Variants in SH3GL1 observed in about 807,000 individuals in gnomAD.
The protein encoded by SH3GL1 is SH3 domain containing GRB2 like 1, endophilin A2.
A neutral mutation model predicts 48.8 loss-of-function variants in SH3GL1; 21 were observed. The ratio of observed to expected loss-of-function variants is 0.43; its 90% CI spans 0.30 to 0.62. The LOEUF is 0.62. Ranked by LOEUF, SH3GL1 falls within the 20% of genes least tolerant of loss-of-function variation. SH3GL1 has a pLI of 0.11. For missense variants in SH3GL1, 454 were observed against 503.0 expected, an observed-to-expected ratio of 0.90 and a Z score of 0.93; for synonymous variants, 282 against 217.5, an observed-to-expected ratio of 1.30 and a Z score of -2.61.
Position 4,361,408 on chromosome 19 carries a change from C to CCCCACCCACCCAGATAAG in SH3GL1, c.*174_*191dup, listed in dbSNP as rs1972606904. On this transcript the variant is annotated 3_prime_UTR_variant, in exon 10 of 10. Coordinates refer to ENST00000269886, the MANE Select transcript of SH3GL1 (RefSeq NM_003025.4). ...AGTCAGCGCTAGTGTAAACAGGCAT[C>CCCCACCCACCCAGATAAG]CCCACCCACCCAGATAAGCCCCCCC... 1 of 590,386 alleles carries CCCCACCCACCCAGATAAG rather than the reference C, an allele frequency of 1.7e-6. No homozygotes were observed. The highest frequency in any genetic ancestry group is 3.0e-6 in the Non-Finnish European group (1 of 331,906). The allele number at this position is 590,386 out of a possible 1,614,324, so 36.6% of individuals were successfully genotyped here.
intron 1 of SH3GL1, among the ~76,000 whole-genome samples, chr19:4,372,143 C>T (rs1972915418): frequency 6.6e-6 from 1 of 152,160 alleles, no homozygotes. Context: ...GGACAACAGC[C>T]CCAGGACAAA....
intron 1 of SH3GL1, among the ~76,000 whole-genome samples, chr19:4,369,819 A>G (rs1263221635): frequency 6.6e-6 from 1 of 152,184 alleles, no homozygotes; most frequent in Non-Finnish European, 1.5e-5. Context: ...ATGGTCCCCC[A>G]CGGGCCAGGC....
At chr19:4,368,339 G>A (rs1972826408) in intron 1 of SH3GL1, among the ~76,000 whole-genome samples, 1 of 152,240 alleles carries the variant, frequency 6.6e-6, no homozygotes, top group Non-Finnish European at 1.5e-5. Flanking sequence ...AGTGACCCAA[G>A]AGCAGGAAGT....
chr19:4,369,595 G>A (rs926872374), intron 1 of SH3GL1, among the ~76,000 whole-genome samples: 36 of 152,178 alleles, frequency 2.4e-4, no homozygotes, highest in Admixed American at 5.2e-4. Flanking sequence ...GACCCGCCAC[G>A]GTACCAAAGA....
chr19:4,362,594 G>A lies in SH3GL1; in HGVS notation c.853+18C>T, dbSNP rs376772403. 2.1e-5 allele frequency: 34 copies of A among 1,612,982 alleles called. No individual in the cohort carries two copies. In the African/African-American group the frequency reaches 2.8e-4, roughly 13 times the overall value. On this transcript the variant is annotated intron_variant, in intron 8 of 9. Coordinates refer to ENST00000269886, the MANE Select transcript of SH3GL1 (RefSeq NM_003025.4). ...CCGCTGGCATTTGCCTCCGCAAGAG[G>A]GCTCCATGCCCCATTACCTGCGATC...
At chr19:4,394,118 C>T (rs1166596977) in intron 1 of SH3GL1, among the ~76,000 whole-genome samples, 1 of 120,266 alleles carries the variant, frequency 8.3e-6, no homozygotes, top group Non-Finnish European at 1.7e-5. Context: ...CCTCTCCCTC[C>T]TTTCAGGCAA....
intron 1 of SH3GL1, among the ~76,000 whole-genome samples, chr19:4,378,410 G>A (rs1973055473): frequency 6.6e-6 from 1 of 152,080 alleles, no homozygotes; most frequent in African/African-American, 2.4e-5. Context: ...GCGTGGATGT[G>A]CTTTAGAAAC....
chr19:4,362,339 G>T lies in SH3GL1; in HGVS notation c.900C>A (p.Ser300Arg). Residue 300 changes from serine (S) to arginine (R), a missense_variant, in exon 9 of 10, where the codon AGC (serine) becomes AGA (arginine). By Grantham distance (110) the Ser-to-Arg change is moderately radical. Around this residue, in one of 2 missense-constraint regions of SH3GL1, gnomAD observed 278 missense variants for 246.8 expected, o/e 1.13. Transcript: ENST00000269886. Reference sequence around the variant, plus strand: ...CCTGGGAACACTCACGCATGCTCCGGCTAGGGGTCCGGATGGGCTTGTCGG... The same window carrying T: ...CCTGGGAACACTCACGCATGCTCCGTCTAGGGGTCCGGATGGGCTTGTCGG... Reference protein sequence around the residue: ...RSSDKPIRTPSRSMPPLDQPS... With the variant: ...RSSDKPIRTPRRSMPPLDQPS... 1 of 1,612,060 alleles carries T rather than the reference G, an allele frequency of 6.2e-7. No individual in the cohort carries two copies. Among genetic ancestry groups the T allele is most frequent in the Non-Finnish European group, 8.5e-7 (1 of 1,179,040 alleles).
intron 1 of SH3GL1, among the ~76,000 whole-genome samples, chr19:4,386,119 C>A (rs1973230206): frequency 6.6e-6 from 1 of 152,214 alleles, no homozygotes; most frequent in Admixed American, 6.5e-5. Context: ...GGGCTGCCCT[C>A]TTCTGAGCCA....
In SH3GL1 at chr19:4,362,715, G is replaced by A. The variant is rs1460261100; in HGVS notation, c.750C>T (p.Arg250=). 1.9e-6 allele frequency: 3 copies of A among 1,614,004 alleles called. No homozygotes were observed. Among genetic ancestry groups the A allele is most frequent in the Non-Finnish European group, 8.5e-7 (1 of 1,180,014 alleles). ...LKRRMREASS[R]PKREYKPKPR... is the part of the protein sequence containing the mutation. ...GCTTGGGCTTATACTCCCGCTTAGG[G>A]CGTGAGGAAGCTTCCCGCATCCTGT... Residue 250 remains arginine, a synonymous_variant, in exon 8 of 10, where the codon CGC becomes CGT. Transcript: ENST00000269886.
chr19:4,378,371 C>A (rs1018842984), intron 1 of SH3GL1, among the ~76,000 whole-genome samples: 6 of 152,104 alleles, frequency 3.9e-5, no homozygotes, highest in Admixed American at 3.9e-4. Flanking sequence ...ACAAACCCCT[C>A]TGAGCCTCGG....
In SH3GL1 at chr19:4,365,588, G is replaced by A; in HGVS notation, c.225C>T (p.Ser75=). Residue 75 remains serine (S), a synonymous_variant, in exon 4 of 10, where the codon TCC becomes TCT. Coordinates refer to ENST00000269886, the MANE Select transcript of SH3GL1 (RefSeq NM_003025.4). The part of the protein sequence containing the change: ...RAKLTMLNTV[S]KIRGQVKNPG... ...GGTTCTTCACCTGGCCCCGGATCTT[G>A]GACACCGTGTTGAGCATGGTCAGCT... 1 of 1,614,158 alleles carries A rather than the reference G, an allele frequency of 6.2e-7. No homozygotes were observed. Among genetic ancestry groups the A allele is most frequent in the Non-Finnish European group, 8.5e-7 (1 of 1,180,040 alleles).
In SH3GL1 at chr19:4,361,556, G is replaced by C. The variant is rs750869008; in HGVS notation, c.*44C>G. 2 of 1,437,646 alleles carry C rather than the reference G, an allele frequency of 1.4e-6. No individual in the cohort carries two copies. Among genetic ancestry groups the C allele is most frequent in the Non-Finnish European group, 1.9e-6 (2 of 1,048,642 alleles). The allele number at this position is 1,437,646 out of a possible 1,614,324, so 89.1% of individuals were successfully genotyped here. On this transcript the variant is annotated 3_prime_UTR_variant, in exon 10 of 10. Transcript: ENST00000269886. ...GAATGCAGGAGACCCAGCAGGGGGT[G>C]CCGGCCAGTGTGGACGGAGGGGCGG...
At chr19:4,368,819 C>T (rs1972836538) in intron 1 of SH3GL1, among the ~76,000 whole-genome samples, 1 of 152,178 alleles carries the variant, frequency 6.6e-6, no homozygotes. Context: ...TGCCTGTAAT[C>T]CCAGCACTTT....
intron 1 of SH3GL1, among the ~76,000 whole-genome samples, chr19:4,381,931 C>A (rs150078136): frequency 1.3e-5 from 2 of 151,874 alleles, no homozygotes; most frequent in African/African-American, 4.8e-5. Context: ...CACAACAAAT[C>A]GCCACAAACC....
In SH3GL1 at chr19:4,368,787, G is replaced by A. The variant is rs566440169; in HGVS notation, c.46-1793C>T. On this transcript the variant is annotated intron_variant, in intron 1 of 9. Transcript: ENST00000269886. ...TTGGAAGCTTCTTAAAAATCCCCTC[G>A]TTGGCCGGGCGCGGTGACTCATGCC... Among the ~76,000 whole-genome samples the A allele has an allele frequency of 2.5e-4, 38 of 152,256 alleles. 1 individual carries two copies. The South Asian group carries it at 4.6e-3, about 18-fold the overall frequency.
In SH3GL1 at chr19:4,361,850, G is replaced by C. The variant is rs947545451; in HGVS notation, c.911-54C>G. ...GGGCTGCTACGCCTCACCCCGCCCA[G>C]TCTGGGGTCTCAGACCTGCTGTGAC... On this transcript the variant is annotated intron_variant, in intron 9 of 9. Transcript: ENST00000269886. 4 of 1,321,854 alleles carry C rather than the reference G, an allele frequency of 3.0e-6. No individual in the cohort carries two copies. In the African/African-American group the frequency reaches 5.7e-5, roughly 19 times the overall value. The allele number at this position is 1,321,854 out of a possible 1,614,324, so 81.9% of individuals were successfully genotyped here. A position where few individuals can be genotyped will look rare whatever the true frequency, so the allele number is the denominator to read the frequency against.
intron 1 of SH3GL1, among the ~76,000 whole-genome samples, chr19:4,374,722 C>T (rs1179120803): frequency 6.6e-6 from 1 of 152,238 alleles, no homozygotes; most frequent in Non-Finnish European, 1.5e-5. Context: ...CCTGCTGTCC[C>T]CCTTGGCTCT....
chr19:4,393,747 G>A (rs778913895), intron 1 of SH3GL1, among the ~76,000 whole-genome samples: 3 of 151,932 alleles, frequency 2.0e-5, no homozygotes, highest in East Asian at 1.9e-4. Flanking sequence ...CAGAGATCGC[G>A]CCACTGCACT....
Sources: allele counts gnomAD v4.1 joint callset (sites outside exome capture counted in the v4.1 genomes callset), GRCh38; gene constraint gnomAD v4.1.1; regional missense constraint gnomAD v4.1.1; transcripts MANE v1.5; gene names NCBI Gene and HGNC (gene_info 2026-07-23, HGNC 2026-07-21).